The following CKMT2 variants were observed in gnomAD, a reference collection of about 807,000 sequenced individuals.
CKMT2 encodes the protein creatine kinase S-type, mitochondrial.
In CKMT2, 43 loss-of-function variants were observed where a neutral mutation model predicts 48.9. The ratio of observed to expected loss-of-function variants is 0.88; its 90% CI spans 0.69 to 1.13. The LOEUF is 1.13. CKMT2 is among the 50% of genes most tolerant of loss of function. The pLI, the probability that CKMT2 is intolerant of heterozygous loss-of-function variation, is 0.00. For missense variants in CKMT2, 472 were observed against 555.4 expected (o/e 0.85, Z 1.51); for synonymous variants, 206 against 213.0 (o/e 0.97, Z 0.29).
intron 1 of CKMT2, among the ~76,000 whole-genome samples, chr5:81,240,801 A>C (rs1756409648): frequency 6.6e-6 from 1 of 152,070 alleles, no homozygotes; most frequent in Admixed American, 6.6e-5. Flanking sequence ...CCTTGAAAGC[A>C]CTCGAATTTT....
chr5:81,233,482 C>G, intron 1 of CKMT2, 105 bp downstream of exon 1: 2 of 819,860 alleles, frequency 2.4e-6, no homozygotes, highest in Non-Finnish European at 2.9e-6. Context: ...TAGACGGGGA[C>G]CCCGTTAGGA....
intron 1 of CKMT2, among the ~76,000 whole-genome samples, chr5:81,241,376 A>C (rs996416510): frequency 6.6e-6 from 1 of 152,164 alleles, no homozygotes; most frequent in Non-Finnish European, 1.5e-5. Context: ...ATGTATATAA[A>C]TCTTTTTAAA....
chr5:81,248,524 T>C (rs1756687516), intron 1 of CKMT2, among the ~76,000 whole-genome samples: 1 of 152,308 alleles, frequency 6.6e-6, no homozygotes, highest in African/African-American at 2.4e-5. Flanking sequence ...GAAGAGCCGT[T>C]ATCTATTCTT....
At chr5:81,260,125 TAAATAACG>T (rs1757161806) in intron 8 of CKMT2, among the ~76,000 whole-genome samples, 1 of 152,018 alleles carries the variant, frequency 6.6e-6, no homozygotes, top group African/African-American at 2.4e-5. Context: ...GACTACTGGG[TAAATAACG>T]AAATAAAGGC....
chr5:81,242,063 A>C (rs1210714514), intron 1 of CKMT2, among the ~76,000 whole-genome samples: 2 of 151,984 alleles, frequency 1.3e-5, no homozygotes, highest in African/African-American at 4.8e-5. Context: ...TCACATACGG[A>C]CATCTCTGAC....
chr5:81,240,136 G>A (rs1057117590), intron 1 of CKMT2, among the ~76,000 whole-genome samples: 15 of 151,546 alleles, frequency 9.9e-5, no homozygotes, highest in African/African-American at 3.2e-4. Context: ...CACATGACCC[G>A]CTGACCGCCT....
chr5:81,261,169 C>G (rs753564899), intron 8 of CKMT2, among the ~76,000 whole-genome samples: 5 of 152,200 alleles, frequency 3.3e-5, no homozygotes, highest in African/African-American at 7.2e-5. Flanking sequence ...TTCAGCAGCC[C>G]TTCATGCTAA....
chr5:81,257,724 C>T lies in CKMT2; in HGVS notation c.756-9C>T, dbSNP rs752243595. ...TTAACACTCAGTACCATATTTCTCT[C>T]TTCATTAGGCATAATTATGATAAGA... On this transcript the variant is annotated splice_polypyrimidine_tract_variant and intron_variant, in intron 6 of 9. Coordinates refer to ENST00000254035, the MANE Select transcript of CKMT2 (RefSeq NM_001099735.2). 5.0e-6 allele frequency: 8 copies of T among 1,609,382 alleles called. No individual in the cohort carries two copies. Among genetic ancestry groups the T allele is most frequent in the Non-Finnish European group, 6.8e-6 (8 of 1,177,462 alleles).
intron 8 of CKMT2, among the ~76,000 whole-genome samples, chr5:81,262,931 C>T (rs928150426): frequency 3.9e-5 from 6 of 152,092 alleles, no homozygotes; most frequent in Admixed American, 2.6e-4. Context: ...AACCCAAATG[C>T]CCATCAATGA....
Position 81,259,158 on chromosome 5 carries a change from G to T in CKMT2, c.918G>T (p.Met306Ile). ...TCCAAGAACGAGGCTGGGAGTTCATGTGGAATGAGCGCCTAGGATACATTT... is the reference window on the plus strand; with the variant it reads ...TCCAAGAACGAGGCTGGGAGTTCATTTGGAATGAGCGCCTAGGATACATTT... ...RLIQERGWEF[M>I]WNERLGYILT... The change falls in exon 8 of 10, where the codon ATG becomes ATT. Residue 306 changes from methionine (M) to isoleucine (I), a missense_variant. By Grantham distance (10) the Met-to-Ile change is conservative (BLOSUM62 1). Coordinates refer to ENST00000254035, the MANE Select transcript of CKMT2 (RefSeq NM_001099735.2). 1 of 1,614,082 alleles carries T rather than the reference G, an allele frequency of 6.2e-7. No individual in the cohort carries two copies. The highest frequency in any genetic ancestry group is 8.5e-7 in the Non-Finnish European group (1 of 1,179,960).
intron 7 of CKMT2, 117 bp downstream of exon 7, chr5:81,257,973 C>A: frequency 2.0e-6 from 2 of 984,136 alleles, no homozygotes; most frequent in Non-Finnish European, 1.4e-6. Flanking sequence ...TTCTAGAAAT[C>A]AAAGCAACTG....
chr5:81,263,397 A>C lies in CKMT2; in HGVS notation c.1015-94A>C. 3 of 605,362 alleles carry C rather than the reference A, an allele frequency of 5.0e-6. 1 individual carries two copies. Among genetic ancestry groups the C allele is most frequent in the Non-Finnish European group, 7.5e-6 (3 of 400,798 alleles). 37.5% of individuals were successfully genotyped at this position (605,362 alleles called of 1,614,324 possible). On this transcript the variant is annotated intron_variant, in intron 8 of 9. Coordinates refer to ENST00000254035, the MANE Select transcript of CKMT2 (RefSeq NM_001099735.2). ...TATATATATAAAAAGTTAAACTGTT[A>C]TCTCTCACTATATGTCTTTTGTCAG...
chr5:81,266,317 T>G lies in CKMT2; in HGVS notation c.*59T>G. ...TGCTGGTACGACAGACATAAATCTC[T>G]ACTCTGAGAGTTTTTATACACTTGG... On this transcript the variant is annotated 3_prime_UTR_variant, in exon 10 of 10. Coordinates refer to ENST00000254035, the MANE Select transcript of CKMT2 (RefSeq NM_001099735.2). 2.6e-6 allele frequency: 4 copies of G among 1,542,360 alleles called. No individual in the cohort carries two copies. The highest frequency in any genetic ancestry group is 3.6e-6 in the Non-Finnish European group (4 of 1,124,274).
rs111899125 is a variant in CKMT2 at position 81,252,909 on chromosome 5, G to A, written c.351+16G>A. The A allele has an allele frequency of 1.2e-6, 2 of 1,613,674 alleles. No homozygotes were observed. The highest frequency in any genetic ancestry group is 2.7e-5 in the African/African-American group (2 of 74,922). On this transcript the variant is annotated intron_variant, in intron 3 of 9. Transcript: ENST00000254035. ...GTCCTATGAGGTAAAACTATTGGCT[G>A]CTGGTTCCAGGGTGGGAGGGATGCT...
At chr5:81,241,326 C>A (rs1396088741) in intron 1 of CKMT2, among the ~76,000 whole-genome samples, 1 of 152,168 alleles carries the variant, frequency 6.6e-6, no homozygotes, top group African/African-American at 2.4e-5. Context: ...TTTCTTAGAG[C>A]ATTTCCTTTA....
At chr5:81,239,491 G>T (rs897604990) in intron 1 of CKMT2, 1 of 152,268 alleles carries the variant, frequency 6.6e-6, no homozygotes, top group Non-Finnish European at 1.5e-5. Flanking sequence ...AGCAGCTTTG[G>T]GGAGGGAGGA....
In CKMT2 at chr5:81,259,127, G is replaced by A. The variant is rs141973034; in HGVS notation, c.887G>A (p.Arg296Gln). The A allele has an allele frequency of 5.1e-5, 83 of 1,612,832 alleles. No homozygotes were observed. The highest frequency in any genetic ancestry group is 2.0e-4 in the African/African-American group (15 of 75,002). ...RFCRGLKEVERLIQERGWEFM... is the reference protein window; with the variant it reads ...RFCRGLKEVEQLIQERGWEFM... ...CTGTGGTTCTACTTGTAGGTAGAAC[G>A]GTTAATCCAAGAACGAGGCTGGGAG... Residue 296 changes from arginine to glutamine, a missense_variant, in exon 8 of 10, where the codon CGG becomes CAG. Coordinates refer to ENST00000254035, the MANE Select transcript of CKMT2 (RefSeq NM_001099735.2).
chr5:81,242,653 A>G, intron 1 of CKMT2: 1 of 239,588 alleles, frequency 4.2e-6, no homozygotes, highest in Non-Finnish European at 8.4e-6. Context: ...TGTAGTGAGA[A>G]AAAGGCGTTT....
chr5:81,258,244 T>C (rs1423860348), intron 7 of CKMT2, among the ~76,000 whole-genome samples: 1 of 151,604 alleles, frequency 6.6e-6, no homozygotes, highest in African/African-American at 2.4e-5. Context: ...CCTCAAGGCA[T>C]TTTTTGGAGT....
Sources: allele counts gnomAD v4.1 joint callset (sites outside exome capture counted in the v4.1 genomes callset), GRCh38; gene constraint gnomAD v4.1.1; transcripts MANE v1.5; gene names NCBI Gene and HGNC (gene_info 2026-07-23, HGNC 2026-07-21).